JAZF1: variants seen among roughly 807,000 people sequenced by gnomAD.
JAZF1 encodes the protein JAZF zinc finger 1, also known as juxtaposed with another zinc finger protein 1.
JAZF1 carries 8 observed loss-of-function variants against 26.4 expected under a neutral mutation model. That is an observed-to-expected ratio of 0.30 (90% CI 0.18 to 0.55). The LOEUF is 0.55. Among genes scored for constraint, JAZF1 ranks in the 20% least tolerant of loss-of-function variants. The pLI is 0.94. For missense variants in JAZF1, 199 were observed against 322.0 expected (o/e 0.62, Z 2.92); for synonymous variants, 126 against 122.3 (o/e 1.03, Z -0.20).
intron 1 of JAZF1, among the ~76,000 whole-genome samples, chr7:28,023,748 G>A (rs534544544): frequency 6.6e-6 from 1 of 152,320 alleles, no homozygotes; most frequent in Non-Finnish European, 1.5e-5. Context: ...CTCATGGAGT[G>A]GACAGTTTTA....
intron 2 of JAZF1, among the ~76,000 whole-genome samples, chr7:27,942,225 A>G (rs1784857911): frequency 6.6e-6 from 1 of 152,256 alleles, no homozygotes; most frequent in African/African-American, 2.4e-5. Context: ...GAGCTCTTGC[A>G]TGCACCTTGC....
Position 27,845,711 on chromosome 7 carries a change from A to AAAAAAAAAAG in JAZF1, c.386-4845_386-4844insCTTTTTTTTT, listed in dbSNP as rs1554328474. On this transcript the variant is annotated intron_variant, in intron 3 of 4. Transcript: ENST00000283928. ...GACTCTGCCTCAAAAAAAAAAAAAA[A>AAAAAAAAAAG]AAAGAAAAGAAAAAGAAAAAGAAAT... Among the ~76,000 whole-genome samples the AAAAAAAAAAG allele has an allele frequency of 9.0e-4, 124 of 137,666 alleles. 2 individuals carry two copies. The highest frequency in any genetic ancestry group is 1.6e-3 in the African/African-American group (57 of 35,454). 90.3% of individuals were successfully genotyped at this position (137,666 alleles called of 152,430 possible). A position where few individuals can be genotyped will look rare whatever the true frequency, so the allele number is the denominator to read the frequency against.
intron 3 of JAZF1, among the ~76,000 whole-genome samples, chr7:27,845,711 A>AAAAAAAG (rs1554328474): frequency 2.2e-5 from 3 of 137,672 alleles, no homozygotes; most frequent in African/African-American, 8.5e-5. Flanking sequence ...AAAAAAAAAA[A>AAAAAAAG]AAAGAAAAGA....
At chr7:27,952,900 T>C (rs1298001210) in intron 2 of JAZF1, among the ~76,000 whole-genome samples, 1 of 152,234 alleles carries the variant, frequency 6.6e-6, no homozygotes, top group Non-Finnish European at 1.5e-5. Context: ...CTTACCTATT[T>C]GATCTCTTAA....
intron 2 of JAZF1, among the ~76,000 whole-genome samples, chr7:27,963,931 T>C (rs115677902): frequency 0.014 from 2,087 of 152,270 alleles, 51 homozygotes; most frequent in African/African-American, 0.048. Context: ...AGCAGCACTT[T>C]CTTTTAACAC....
chr7:28,158,152 CACACACACACACACAA>C (rs1314660959), intron 1 of JAZF1, among the ~76,000 whole-genome samples: 75 of 103,718 alleles, frequency 7.2e-4, no homozygotes, highest in South Asian at 3.4e-3. Flanking sequence ...CACGCGCGCA[CACACACACACACACAA>C]ACACACACAC....
intron 3 of JAZF1, among the ~76,000 whole-genome samples, chr7:27,894,299 C>T (rs553463787): frequency 9.2e-5 from 14 of 152,314 alleles, no homozygotes; most frequent in Non-Finnish European, 1.5e-4. Flanking sequence ...TCCCAAAGTG[C>T]TGTGATTATA....
At chr7:28,016,354 A>T (rs909634490) in intron 1 of JAZF1, among the ~76,000 whole-genome samples, 2 of 152,214 alleles carry the variant, frequency 1.3e-5, no homozygotes, top group Non-Finnish European at 2.9e-5. Context: ...AAAGAGAGCT[A>T]AGAGGCCTGA....
chr7:28,151,791 C>CA lies in JAZF1; in HGVS notation c.115+28671dup, dbSNP rs369438312. Among the ~76,000 whole-genome samples the CA allele has an allele frequency of 7.4e-3, 1,068 of 143,862 alleles. 12 individuals carry two copies. The highest frequency in any genetic ancestry group is 0.023 in the African/African-American group (917 of 39,600). The allele number at this position is 143,862 out of a possible 152,430, so 94.4% of individuals were successfully genotyped here. A position where few individuals can be genotyped will look rare whatever the true frequency, so the allele number is the denominator to read the frequency against. On this transcript the variant is annotated intron_variant, in intron 1 of 4. Transcript: ENST00000283928. ...GGACAAAAAGAGTGAAATTCCATCT[C>CA]AAAAAAAAAACACAGAGGATAAAAT...
At chr7:27,917,211 GAGA>G (rs1168667445) in intron 2 of JAZF1, among the ~76,000 whole-genome samples, 4 of 152,170 alleles carry the variant, frequency 2.6e-5, no homozygotes, top group African/African-American at 9.7e-5. Flanking sequence ...GCATATTTCA[GAGA>G]AGGGCTTCAT....
intron 3 of JAZF1, among the ~76,000 whole-genome samples, chr7:27,868,577 C>T (rs1248543104): frequency 6.6e-6 from 1 of 152,202 alleles, no homozygotes; most frequent in African/African-American, 2.4e-5. Context: ...ATGTCACTTC[C>T]TCTGAAGACT....
At chr7:28,120,282 G>A (rs1056569330) in intron 1 of JAZF1, among the ~76,000 whole-genome samples, 18 of 151,426 alleles carry the variant, frequency 1.2e-4, no homozygotes, top group African/African-American at 3.9e-4. Flanking sequence ...TCCCTAGAAC[G>A]CCATGATCAC....
chr7:27,951,493 T>C (rs1785007956), intron 2 of JAZF1, among the ~76,000 whole-genome samples: 1 of 152,254 alleles, frequency 6.6e-6, no homozygotes, highest in African/African-American at 2.4e-5. Context: ...TATGGTTACT[T>C]TTCTGAAATG....
chr7:27,859,013 G>T (rs1018665519), intron 3 of JAZF1, among the ~76,000 whole-genome samples: 2 of 151,960 alleles, frequency 1.3e-5, no homozygotes, highest in East Asian at 1.9e-4. Context: ...AATCTGCAAA[G>T]AACTTAAATT....
intron 1 of JAZF1, among the ~76,000 whole-genome samples, chr7:28,051,089 A>G (rs7795550): frequency 0.08 from 11,339 of 142,128 alleles, 811 homozygotes; most frequent in African/African-American, 0.19. Context: ...CCAAGATCGC[A>G]CCATTGCACT....
chr7:27,914,364 A>G (rs960450557), intron 2 of JAZF1, among the ~76,000 whole-genome samples: 1 of 152,146 alleles, frequency 6.6e-6, no homozygotes, highest in Non-Finnish European at 1.5e-5. Flanking sequence ...TCTAAAGCCA[A>G]CTGTGGGGAG....
At chr7:27,883,693 C>G (rs2128339940) in intron 3 of JAZF1, among the ~76,000 whole-genome samples, 1 of 152,278 alleles carries the variant, frequency 6.6e-6, no homozygotes, top group East Asian at 1.9e-4. Context: ...TCATGGGAAA[C>G]AAAACACTTT....
At chr7:27,942,247 T>C (rs181203860) in intron 2 of JAZF1, among the ~76,000 whole-genome samples, 2 of 152,382 alleles carry the variant, frequency 1.3e-5, no homozygotes, top group Admixed American at 1.3e-4. Context: ...CAATGTCTTA[T>C]GCGCAGCCTT....
chr7:27,919,464 G>A (rs1784494602), intron 2 of JAZF1, among the ~76,000 whole-genome samples: 1 of 152,164 alleles, frequency 6.6e-6, no homozygotes, highest in Non-Finnish European at 1.5e-5. Flanking sequence ...AAAGGTAAAC[G>A]GAAAATGCAA....
Sources: allele counts gnomAD v4.1 joint callset (sites outside exome capture counted in the v4.1 genomes callset), GRCh38; gene constraint gnomAD v4.1.1; transcripts MANE v1.5; gene names NCBI Gene and HGNC (gene_info 2026-07-23, HGNC 2026-07-21).